Variants in FGF14 observed in about 807,000 individuals in gnomAD.
FGF14 encodes the protein fibroblast growth factor homologous factor 4.
Under a neutral mutation model 25.5 loss-of-function variants are expected in FGF14, and 5 were observed. The ratio of observed to expected loss-of-function variants is 0.20; its 90% confidence interval spans 0.10 to 0.41. The LOEUF is 0.41. FGF14 is among the 10% of genes least tolerant of loss of function. FGF14 has a pLI of 1.00. For synonymous variants in FGF14, 138 were observed against 118.3 expected, an observed-to-expected ratio of 1.17 and a Z score of -1.08; for missense variants, 222 against 320.1, an observed-to-expected ratio of 0.69 and a Z score of 2.34.
intron 1 of FGF14, among the ~76,000 whole-genome samples, chr13:101,988,508 A>G (rs2038716289): frequency 6.6e-6 from 1 of 152,080 alleles, no homozygotes; most frequent in African/African-American, 2.4e-5. Flanking sequence ...CATATACACC[A>G]TGGAATACTA....
chr13:101,988,598 T>C (rs1050841919), intron 1 of FGF14, among the ~76,000 whole-genome samples: 1 of 150,726 alleles, frequency 6.6e-6, no homozygotes, highest in Non-Finnish European at 1.5e-5. Flanking sequence ...CAGCAAACTA[T>C]TGCAAGGACA....
chr13:101,995,439 T>A (rs986291033), intron 1 of FGF14, among the ~76,000 whole-genome samples: 15 of 151,930 alleles, frequency 9.9e-5, no homozygotes, highest in African/African-American at 3.6e-4. Flanking sequence ...GAAACAGGAG[T>A]GTGGCGGTGA....
chr13:102,133,953 A>G (rs2046306136), intron 1 of FGF14, among the ~76,000 whole-genome samples: 1 of 152,214 alleles, frequency 6.6e-6, no homozygotes, highest in African/African-American at 2.4e-5. Flanking sequence ...TACAAAACAC[A>G]CAAATTAAGC....
At chr13:102,009,120 A>G (rs542161699) in intron 1 of FGF14, among the ~76,000 whole-genome samples, 1 of 152,286 alleles carries the variant, frequency 6.6e-6, no homozygotes, top group African/African-American at 2.4e-5. Context: ...TATATTTTAC[A>G]TGTTTAACAC....
chr13:102,033,165 T>C (rs928668533), intron 1 of FGF14, among the ~76,000 whole-genome samples: 1 of 152,142 alleles, frequency 6.6e-6, no homozygotes, highest in African/African-American at 2.4e-5. Context: ...TCATGATCAG[T>C]TACTTTTCCA....
At chr13:102,040,278 AT>A (rs2041669289) in intron 1 of FGF14, among the ~76,000 whole-genome samples, 1 of 152,108 alleles carries the variant, frequency 6.6e-6, no homozygotes, top group Non-Finnish European at 1.5e-5. Context: ...TTTCTTCCTT[AT>A]TAGCTCACAT....
At chr13:101,830,297 A>G (rs904557306) in intron 3 of FGF14, among the ~76,000 whole-genome samples, 3 of 152,062 alleles carry the variant, frequency 2.0e-5, no homozygotes, top group African/African-American at 7.2e-5. Flanking sequence ...CAGTGATAAT[A>G]GAGAAATTGT....
chr13:101,991,906 G>A (rs2038931045), intron 1 of FGF14, among the ~76,000 whole-genome samples: 2 of 151,890 alleles, frequency 1.3e-5, no homozygotes, highest in African/African-American at 4.8e-5. Flanking sequence ...GAAGGACAAA[G>A]TGACCTTTTT....
At chr13:101,816,225 G>C (rs578058906) in intron 3 of FGF14, among the ~76,000 whole-genome samples, 5 of 142,732 alleles carry the variant, frequency 3.5e-5, no homozygotes, top group South Asian at 2.2e-4. Flanking sequence ...AGCCGAGATC[G>C]CGCCACTGCA....
chr13:102,147,504 C>T, intron 1 of FGF14, among the ~76,000 whole-genome samples: 1 of 152,162 alleles, frequency 6.6e-6, no homozygotes, highest in East Asian at 1.9e-4. Flanking sequence ...GGAAGGCAGA[C>T]AAACATATTT....
At chr13:101,985,346 G>A (rs1285082835) in intron 1 of FGF14, among the ~76,000 whole-genome samples, 1 of 151,852 alleles carries the variant, frequency 6.6e-6, no homozygotes, top group Non-Finnish European at 1.5e-5. Flanking sequence ...ACGTATGTGT[G>A]TTTCATTATT....
chr13:102,010,042 C>T lies in FGF14; in HGVS notation c.209-134746G>A, dbSNP rs574979784. Among the ~76,000 whole-genome samples, 12 of 152,164 alleles carry T rather than the reference C, an allele frequency of 7.9e-5. No individual in the cohort carries two copies. In the South Asian group the frequency reaches 2.5e-3, roughly 32 times the overall value. On this transcript the variant is annotated intron_variant, in intron 1 of 4. Coordinates refer to the FGF14 transcript ENST00000376131. The stretch of plus-strand genomic sequence containing the variant: ...GAAAAATGGAGGAAAGAATCAAGTC[C>T]TTCTAAAATTAAGCAACAGTGGAGC...
intron 1 of FGF14, among the ~76,000 whole-genome samples, chr13:102,080,115 T>C (rs1344856919): frequency 2.0e-5 from 3 of 152,096 alleles, no homozygotes; most frequent in Non-Finnish European, 2.9e-5. Context: ...CACTGGAGTG[T>C]CTGTGTAGAG....
intron 1 of FGF14, among the ~76,000 whole-genome samples, chr13:102,110,722 C>T (rs973188067): frequency 5.3e-5 from 8 of 151,280 alleles, no homozygotes; most frequent in Non-Finnish European, 1.0e-4. Flanking sequence ...CCCCCTCGCC[C>T]CTTAGATCTC....
At chr13:102,237,918 T>G (rs1277054886) in intron 1 of FGF14, among the ~76,000 whole-genome samples, 1 of 152,166 alleles carries the variant, frequency 6.6e-6, no homozygotes, top group Non-Finnish European at 1.5e-5. Context: ...GTCTTGGCAT[T>G]CACTCTAAAC....
At chr13:101,835,424 T>C (rs2042876915) in intron 3 of FGF14, among the ~76,000 whole-genome samples, 1 of 152,108 alleles carries the variant, frequency 6.6e-6, no homozygotes, top group African/African-American at 2.4e-5. Flanking sequence ...AGTTTTCATT[T>C]CCCTGAATAT....
chr13:102,319,867 A>G (rs1200084817), intron 1 of FGF14, among the ~76,000 whole-genome samples: 2 of 152,224 alleles, frequency 1.3e-5, no homozygotes, highest in Admixed American at 1.3e-4. Flanking sequence ...TGCTATATAT[A>G]CATGTATGTA....
At chr13:101,782,771 C>G (rs563081277) in intron 3 of FGF14, among the ~76,000 whole-genome samples, 1 of 152,156 alleles carries the variant, frequency 6.6e-6, no homozygotes, top group Non-Finnish European at 1.5e-5. Context: ...TACCATATTT[C>G]TTTAACCAGT....
intron 3 of FGF14, among the ~76,000 whole-genome samples, chr13:101,832,870 C>T (rs1051758580): frequency 1.3e-5 from 2 of 151,990 alleles, no homozygotes; most frequent in Non-Finnish European, 2.9e-5. Flanking sequence ...TTGAGTTATT[C>T]ATGAAAGAGT....
Sources: allele counts gnomAD v4.1 joint callset (sites outside exome capture counted in the v4.1 genomes callset), GRCh38; gene constraint gnomAD v4.1.1; transcripts MANE v1.5; gene names NCBI Gene and HGNC (gene_info 2026-07-23, HGNC 2026-07-21).